Variants in KCNQ3 observed in about 807,000 individuals in gnomAD.
KCNQ3 encodes potassium voltage-gated channel subfamily KQT member 3.
Under a neutral mutation model 92.5 loss-of-function variants are expected in KCNQ3, and 30 were observed. The observed-to-expected ratio is 0.32, with a 90% CI of 0.24 to 0.44. The LOEUF (loss-of-function observed/expected upper bound fraction) is 0.44. Among genes scored for constraint, KCNQ3 ranks in the 20% least tolerant of loss-of-function variants. The probability of loss-of-function intolerance (pLI) is 1.00; values close to 1 mark genes in which losing one functional copy is unlikely to be tolerated. For missense variants in KCNQ3, 913 were observed against 1,140.3 expected, an observed-to-expected ratio of 0.80 and a Z score of 2.87; for synonymous variants, 450 against 468.8, an observed-to-expected ratio of 0.96 and a Z score of 0.52.
chr8:132,232,366 G>A (rs146502154), intron 1 of KCNQ3, among the ~76,000 whole-genome samples: 1 of 152,102 alleles, frequency 6.6e-6, no homozygotes, highest in Non-Finnish European at 1.5e-5. Context: ...TTCCTTGAGT[G>A]GTGAGGATTT....
At chr8:132,277,603 C>T (rs1383830753) in intron 1 of KCNQ3, among the ~76,000 whole-genome samples, 3 of 152,206 alleles carry the variant, frequency 2.0e-5, no homozygotes, top group African/African-American at 7.2e-5. Flanking sequence ...AAATTACTAA[C>T]CTTCTACATG....
chr8:132,230,566 T>A (rs1036431092), intron 1 of KCNQ3, among the ~76,000 whole-genome samples: 4 of 152,176 alleles, frequency 2.6e-5, no homozygotes, highest in Non-Finnish European at 4.4e-5. Flanking sequence ...AAGGTCCCTA[T>A]GACATAGTTT....
intron 1 of KCNQ3, among the ~76,000 whole-genome samples, chr8:132,439,809 C>T (rs1482098936): frequency 6.6e-6 from 1 of 152,140 alleles, no homozygotes; most frequent in Non-Finnish European, 1.5e-5. Context: ...CCCAGTGAGA[C>T]CTATTTTGGA....
intron 1 of KCNQ3, among the ~76,000 whole-genome samples, chr8:132,270,871 G>C (rs1816126535): frequency 6.6e-6 from 1 of 152,150 alleles, no homozygotes; most frequent in Non-Finnish European, 1.5e-5. Context: ...GTGTATTTGG[G>C]ATGGGGCCCA....
chr8:132,425,128 C>G (rs540623057), intron 1 of KCNQ3, among the ~76,000 whole-genome samples: 1 of 152,188 alleles, frequency 6.6e-6, no homozygotes, highest in African/African-American at 2.4e-5. Flanking sequence ...TCAGCCCACA[C>G]AGTGGAGCTC....
intron 1 of KCNQ3, among the ~76,000 whole-genome samples, chr8:132,252,914 T>G (rs1481537692): frequency 6.6e-6 from 1 of 152,198 alleles, no homozygotes; most frequent in African/African-American, 2.4e-5. Flanking sequence ...AGAGTGACAC[T>G]ACTCTGGGTA....
rs958126053 is a variant in KCNQ3 at position 132,128,511 on chromosome 8, G to A, written c.*751C>T. On this transcript the variant is annotated 3_prime_UTR_variant, in exon 15 of 15. Coordinates refer to ENST00000388996, the MANE Select transcript of KCNQ3 (RefSeq NM_004519.4). ...GAAACTATTTTAACTTTGTGTATGTGTGTGTGTGTGTGTGTGTGTGTGTGT... is the reference window on the plus strand; with the variant it reads ...GAAACTATTTTAACTTTGTGTATGTATGTGTGTGTGTGTGTGTGTGTGTGT... The A allele has an allele frequency of 1.0e-4, 10 of 97,980 alleles. No homozygotes were observed. Among genetic ancestry groups the A allele is most frequent in the African/African-American group, 3.7e-4 (9 of 24,418 alleles). 6.1% of individuals were successfully genotyped at this position (97,980 alleles called of 1,614,324 possible). A position where few individuals can be genotyped will look rare whatever the true frequency, so the allele number is the denominator to read the frequency against.
At chr8:132,384,430 C>T (rs565895252) in intron 1 of KCNQ3, among the ~76,000 whole-genome samples, 1 of 152,280 alleles carries the variant, frequency 6.6e-6, no homozygotes, top group Non-Finnish European at 1.5e-5. Context: ...CAGGCTCCTA[C>T]AAGCACACAA....
intron 11 of KCNQ3, among the ~76,000 whole-genome samples, chr8:132,138,223 T>C (rs891134203): frequency 6.6e-6 from 1 of 152,192 alleles, no homozygotes; most frequent in South Asian, 2.1e-4. Flanking sequence ...CTTCAATCAT[T>C]TGAATAATAA....
intron 1 of KCNQ3, among the ~76,000 whole-genome samples, chr8:132,464,381 C>G (rs1020465226): frequency 1.3e-5 from 2 of 152,198 alleles, no homozygotes; most frequent in African/African-American, 4.8e-5. Flanking sequence ...TGGAGGCTGG[C>G]ATTGTGTCCA....
Position 132,273,991 on chromosome 8 carries a change from TTTCCTGTC to T in KCNQ3, c.387-87818_387-87811del, listed in dbSNP as rs1314470409. Among the ~76,000 whole-genome samples, 4 of 152,286 alleles carry T rather than the reference TTTCCTGTC, an allele frequency of 2.6e-5. No individual in the cohort carries two copies. In the East Asian group the frequency reaches 7.7e-4, roughly 29 times the overall value. The stretch of plus-strand genomic sequence containing the variant: ...TAGGCAGTTCCAAACTTTCCCACAT[TTTCCTGTC>T]TTCTGAGCCCTCCAAACTGTTCCAA... On this transcript the variant is annotated intron_variant, in intron 1 of 14. Coordinates refer to ENST00000388996, the MANE Select transcript of KCNQ3 (RefSeq NM_004519.4).
intron 1 of KCNQ3, among the ~76,000 whole-genome samples, chr8:132,353,325 G>C (rs1180822331): frequency 6.6e-6 from 1 of 152,110 alleles, no homozygotes; most frequent in African/African-American, 2.4e-5. Flanking sequence ...GGAAGGGAAG[G>C]AAGGGGAAGG....
At chr8:132,269,991 A>G (rs1394626960) in intron 1 of KCNQ3, among the ~76,000 whole-genome samples, 1 of 152,220 alleles carries the variant, frequency 6.6e-6, no homozygotes, top group Non-Finnish European at 1.5e-5. Flanking sequence ...TTACATTTTG[A>G]TCACCAGCTC....
intron 1 of KCNQ3, among the ~76,000 whole-genome samples, chr8:132,353,687 G>A (rs1411982711): frequency 7.2e-5 from 11 of 152,030 alleles, no homozygotes; most frequent in African/African-American, 1.7e-4. Flanking sequence ...GGTGGCGCAC[G>A]GCTGTAATCT....
chr8:132,215,969 G>C (rs1814017615), intron 1 of KCNQ3, among the ~76,000 whole-genome samples: 1 of 152,092 alleles, frequency 6.6e-6, no homozygotes, highest in South Asian at 2.1e-4. Flanking sequence ...AAGATAAAGG[G>C]GAGACTTGGA....
At chr8:132,135,718 A>G (rs1375482792) in intron 12 of KCNQ3, among the ~76,000 whole-genome samples, 1 of 152,164 alleles carries the variant, frequency 6.6e-6, no homozygotes, top group Non-Finnish European at 1.5e-5. Flanking sequence ...ACTTGCATAA[A>G]TAACAGCATG....
intron 1 of KCNQ3, among the ~76,000 whole-genome samples, chr8:132,366,829 A>T (rs1819335989): frequency 6.6e-6 from 1 of 152,110 alleles, no homozygotes. Flanking sequence ...TATTCTTTTA[A>T]TGTATTGCTG....
intron 1 of KCNQ3, among the ~76,000 whole-genome samples, chr8:132,259,551 A>C (rs1229641091): frequency 6.6e-6 from 1 of 152,188 alleles, no homozygotes; most frequent in Admixed American, 6.5e-5. Flanking sequence ...AGTCCTTGGT[A>C]GTAAACGACT....
intron 1 of KCNQ3, among the ~76,000 whole-genome samples, chr8:132,420,415 A>G (rs1207850271): frequency 6.6e-6 from 1 of 152,052 alleles, no homozygotes; most frequent in African/African-American, 2.4e-5. Flanking sequence ...GGGTCCATCC[A>G]CCTTCTGGGC....
Sources: allele counts gnomAD v4.1 joint callset (sites outside exome capture counted in the v4.1 genomes callset), GRCh38; gene constraint gnomAD v4.1.1; transcripts MANE v1.5; gene names NCBI Gene and HGNC (gene_info 2026-07-23, HGNC 2026-07-21).